ISM1: variants seen among roughly 807,000 people sequenced by gnomAD.
The protein encoded by ISM1 is isthmin 1.
A neutral mutation model predicts 46.3 loss-of-function variants in ISM1; 25 were observed. The observed-to-expected ratio is 0.54, with a 90% CI of 0.39 to 0.75. The LOEUF (loss-of-function observed/expected upper bound fraction) is 0.75, where lower values mean the gene tolerates loss of function less well. ISM1 is among the 30% of genes least tolerant of loss of function. The pLI, the probability that ISM1 is intolerant of heterozygous loss-of-function variation, is 0.00. For missense variants in ISM1, 536 were observed against 625.4 expected, an observed-to-expected ratio of 0.86 and a Z score of 1.52; for synonymous variants, 255 against 256.7, an observed-to-expected ratio of 0.99 and a Z score of 0.06.
intron 1 of ISM1, among the ~76,000 whole-genome samples, chr20:13,231,491 C>A (rs2039587732): frequency 1.3e-5 from 2 of 152,134 alleles, no homozygotes; most frequent in South Asian, 2.1e-4. Context: ...GGATGAGTAA[C>A]AATGGGGAGG....
At chr20:13,321,939 C>T in the ISM1 span, among the ~76,000 whole-genome samples, 9 of 152,098 alleles carry the variant, frequency 5.9e-5, no homozygotes, top group Admixed American at 6.5e-5. Context: ...TCCATGCCTT[C>T]GTTTCTTCAT....
chr20:13,248,233 G>A (rs890471785), intron 1 of ISM1, among the ~76,000 whole-genome samples: 2 of 152,134 alleles, frequency 1.3e-5, no homozygotes, highest in African/African-American at 2.4e-5. Flanking sequence ...TCTTCTTTAT[G>A]AACATTTCTT....
intron 4 of ISM1, among the ~76,000 whole-genome samples, chr20:13,289,344 A>C (rs948641089): frequency 1.3e-5 from 2 of 152,184 alleles, no homozygotes; most frequent in Non-Finnish European, 2.9e-5. Flanking sequence ...ATCTGCAGGA[A>C]AAAGACAGCC....
chr20:13,221,796 A>G lies in ISM1; in HGVS notation c.20A>G (p.Glu7Gly). The G allele has an allele frequency of 6.9e-7, 1 of 1,450,586 alleles. No individual in the cohort carries two copies. The highest frequency in any genetic ancestry group is 9.0e-7 in the Non-Finnish European group (1 of 1,106,414). The allele number at this position is 1,450,586 out of a possible 1,614,324, so 89.9% of individuals were successfully genotyped here. A position where few individuals can be genotyped will look rare whatever the true frequency, so the allele number is the denominator to read the frequency against. MVRLAA[E>G]LLLLLGLLLL... ...AAAAGGATGGTGCGCCTGGCGGCCG[A>G]GCTGCTGCTGCTGCTGGGGCTGCTG... is the stretch of plus-strand genomic sequence containing the variant. Residue 7 changes from glutamate (E) to glycine (G), a missense_variant, in exon 1 of 6, where the codon GAG (glutamate) becomes GGG (glycine). Coordinates refer to ENST00000262487, the MANE Select transcript of ISM1 (RefSeq NM_080826.2).
intron 1 of ISM1, among the ~76,000 whole-genome samples, chr20:13,225,052 A>G (rs2039503954): frequency 6.8e-6 from 1 of 147,574 alleles, no homozygotes; most frequent in Non-Finnish European, 1.5e-5. Context: ...ACGGGGTTTC[A>G]CCGTGTTAGC....
chr20:13,262,253 TG>T (rs1282679192), intron 1 of ISM1, among the ~76,000 whole-genome samples: 1 of 152,210 alleles, frequency 6.6e-6, no homozygotes, highest in Non-Finnish European at 1.5e-5. Flanking sequence ...AGCCCCCTGG[TG>T]GCCACTGGTG....
chr20:13,279,400 G>T (rs1009302615), intron 2 of ISM1, among the ~76,000 whole-genome samples: 1 of 152,080 alleles, frequency 6.6e-6, no homozygotes, highest in African/African-American at 2.4e-5. Context: ...GTAAATCAGG[G>T]ACTCTAGTGA....
chr20:13,233,379 T>C (rs111981482), intron 1 of ISM1, among the ~76,000 whole-genome samples: 4,803 of 152,094 alleles, frequency 0.032, 260 homozygotes, highest in African/African-American at 0.11. Context: ...GTGGATCACC[T>C]GAGGTCGGGA....
In ISM1 at chr20:13,250,878, G is replaced by A. The variant is rs920453205; in HGVS notation, c.139-19626G>A. Among the ~76,000 whole-genome samples, 6 of 152,184 alleles carry A rather than the reference G, an allele frequency of 3.9e-5. No homozygotes were observed. The East Asian group carries it at 1.2e-3, about 29-fold the overall frequency. ...AAGTATGTTGGGTGGTTTGGGATGA[G>A]TGTGGCTTACATTCTAGGTCTCCTT... On this transcript the variant is annotated intron_variant, in intron 1 of 5. Transcript: ENST00000262487.
At chr20:13,271,695 C>A (rs2040117406) in intron 2 of ISM1, among the ~76,000 whole-genome samples, 1 of 152,196 alleles carries the variant, frequency 6.6e-6, no homozygotes, top group African/African-American at 2.4e-5. Context: ...TGTTTCCTCC[C>A]AAAGATGGTC....
chr20:13,273,651 C>T (rs760950453), intron 2 of ISM1, among the ~76,000 whole-genome samples: 1 of 152,164 alleles, frequency 6.6e-6, no homozygotes, highest in African/African-American at 2.4e-5. Context: ...CAAAGATCAC[C>T]GTAACTCCCA....
the ISM1 span, among the ~76,000 whole-genome samples, chr20:13,317,597 T>C: frequency 4.0e-5 from 6 of 151,850 alleles, no homozygotes; most frequent in Non-Finnish European, 7.4e-5. Context: ...AATAGGCAAA[T>C]AGATCAATGG....
At chr20:13,261,017 C>T (rs2039983370) in intron 1 of ISM1, among the ~76,000 whole-genome samples, 1 of 152,126 alleles carries the variant, frequency 6.6e-6, no homozygotes, top group East Asian at 1.9e-4. Context: ...GCCTTCTTCA[C>T]CGAGTGTTCT....
chr20:13,237,072 CT>C (rs1415386894), intron 1 of ISM1, among the ~76,000 whole-genome samples: 5 of 152,328 alleles, frequency 3.3e-5, no homozygotes, highest in Admixed American at 6.5e-5. Flanking sequence ...CCACATTTCC[CT>C]TCTGCACTGC....
At chr20:13,310,616 C>A in the ISM1 span, among the ~76,000 whole-genome samples, 1 of 152,124 alleles carries the variant, frequency 6.6e-6, no homozygotes, top group Non-Finnish European at 1.5e-5. Context: ...AGGAAGCAAT[C>A]AACAGAGTAA....
chr20:13,239,667 C>T (rs2039694746), intron 1 of ISM1: 1 of 152,232 alleles, frequency 6.6e-6, no homozygotes, highest in South Asian at 2.1e-4. Context: ...AACCCACCTG[C>T]ACTCCATGGT....
Position 13,259,153 on chromosome 20 carries a change from T to G in ISM1, c.139-11351T>G, listed in dbSNP as rs185456652. ...CAAAAATTAGCCAGGCATGGTGGTA[T>G]GCGCCTGTAGTCCCAGTCTTGGGAG... On this transcript the variant is annotated intron_variant, in intron 1 of 5. Transcript: ENST00000262487. Among the ~76,000 whole-genome samples the G allele has an allele frequency of 7.8e-4, 119 of 152,098 alleles. 2 individuals are homozygous for G. The East Asian group carries it at 0.021, about 26-fold the overall frequency.
chr20:13,316,812 A>T, the ISM1 span, among the ~76,000 whole-genome samples: 3 of 151,914 alleles, frequency 2.0e-5, no homozygotes, highest in Non-Finnish European at 4.4e-5. Flanking sequence ...AAAACCTACA[A>T]AACACCCGAT....
intron 2 of ISM1, among the ~76,000 whole-genome samples, chr20:13,273,497 A>C (rs2123261733): frequency 6.6e-6 from 1 of 152,146 alleles, no homozygotes; most frequent in Non-Finnish European, 1.5e-5. Flanking sequence ...CAGCCTCTCA[A>C]AATGCGGGGA....
Sources: gnomAD v4.1 joint callset for allele counts (sites outside exome capture counted in the v4.1 genomes callset) on GRCh38, gnomAD v4.1.1 for gene constraint, MANE v1.5 for transcripts, NCBI Gene and HGNC (gene_info 2026-07-23, HGNC 2026-07-21) for gene names.